Variants in FOXO3 observed in about 807,000 individuals in gnomAD.
The protein encoded by FOXO3 is forkhead box O3, also known as forkhead box protein O3.
Under a neutral mutation model 41.9 loss-of-function variants are expected in FOXO3, and 4 were observed. That is an observed-to-expected ratio of 0.10 (90% CI 0.05 to 0.22). The LOEUF (loss-of-function observed/expected upper bound fraction) is 0.22, where lower values mean the gene tolerates loss of function less well. Ranked by LOEUF, FOXO3 falls within the 10% of genes least tolerant of loss-of-function variation. The pLI is 1.00. For missense variants in FOXO3, 534 were observed against 906.8 expected, an observed-to-expected ratio of 0.59 and a Z score of 5.28; for synonymous variants, 318 against 389.3, an observed-to-expected ratio of 0.82 and a Z score of 2.16.
intron 2 of FOXO3, among the ~76,000 whole-genome samples, chr6:108,672,901 G>C (rs1459543211): frequency 6.6e-6 from 1 of 151,936 alleles, no homozygotes; most frequent in Non-Finnish European, 1.5e-5. Flanking sequence ...TGTTTGACTT[G>C]ATTCTTCAGG....
chr6:108,672,715 C>T (rs1330304039), intron 2 of FOXO3, among the ~76,000 whole-genome samples: 1 of 152,100 alleles, frequency 6.6e-6, no homozygotes, highest in Non-Finnish European at 1.5e-5. Flanking sequence ...TCTCCTCTCT[C>T]TCCCTCCCTC....
At chr6:108,562,722 A>G (rs1171816777) in intron 1 of FOXO3, among the ~76,000 whole-genome samples, 4 of 152,138 alleles carry the variant, frequency 2.6e-5, no homozygotes, top group Non-Finnish European at 5.9e-5. Context: ...GAGACTCTCT[A>G]CCGTTCCTTA....
At chr6:108,601,846 G>C (rs1228618300) in intron 1 of FOXO3, among the ~76,000 whole-genome samples, 1 of 152,144 alleles carries the variant, frequency 6.6e-6, no homozygotes, top group Non-Finnish European at 1.5e-5. Flanking sequence ...ACTCAGTAGT[G>C]TTCCACTGTA....
At chr6:108,605,232 C>T (rs1777163796) in intron 1 of FOXO3, among the ~76,000 whole-genome samples, 1 of 152,102 alleles carries the variant, frequency 6.6e-6, no homozygotes, top group Non-Finnish European at 1.5e-5. Flanking sequence ...AGTTTTTCTG[C>T]CTCAGCCTCC....
chr6:108,648,345 C>G (rs1217732744), intron 1 of FOXO3, among the ~76,000 whole-genome samples: 1 of 152,144 alleles, frequency 6.6e-6, no homozygotes, highest in Non-Finnish European at 1.5e-5. Flanking sequence ...TCACTTAGCT[C>G]TATTTCCCAC....
chr6:108,593,249 G>C (rs1168213595), intron 1 of FOXO3, among the ~76,000 whole-genome samples: 1 of 152,106 alleles, frequency 6.6e-6, no homozygotes, highest in Non-Finnish European at 1.5e-5. Flanking sequence ...AGATATTTTA[G>C]GTAGTACTAT....
chr6:108,587,064 G>T (rs1368236605), intron 1 of FOXO3, among the ~76,000 whole-genome samples: 1 of 150,966 alleles, frequency 6.6e-6, no homozygotes, highest in Non-Finnish European at 1.5e-5. Flanking sequence ...TCTCACCTTG[G>T]CCTCTCAAAG....
Position 108,664,095 on chromosome 6 carries a change from C to T in FOXO3, c.1262C>T (p.Ser421Leu), listed in dbSNP as rs200360650. 1.5e-5 allele frequency: 24 copies of T among 1,614,008 alleles called. No individual in the cohort carries two copies. Among genetic ancestry groups the T allele is most frequent in the South Asian group, 1.3e-4 (12 of 91,074 alleles). ...SSSFPYTTKG[S>L]GLGSPTSSFN... ...AGCTTCCCGTATACCACCAAGGGCTCGGGCCTGGGCTCCCCAACCAGCTCC... is the reference window on the plus strand; with the variant it reads ...AGCTTCCCGTATACCACCAAGGGCTTGGGCCTGGGCTCCCCAACCAGCTCC... The change falls in exon 2 of 3, where the codon TCG becomes TTG. Residue 421 changes from serine to leucine, a missense_variant. By Grantham distance (145) the Ser-to-Leu change is moderately radical (BLOSUM62 -2). Transcript: ENST00000406360.
At chr6:108,620,310 C>T (rs1395748354) in intron 1 of FOXO3, among the ~76,000 whole-genome samples, 1 of 152,174 alleles carries the variant, frequency 6.6e-6, no homozygotes, top group African/African-American at 2.4e-5. Context: ...TTTCCCTTAA[C>T]ACTTTAATAT....
At chr6:108,652,786 G>A (rs538879464) in intron 1 of FOXO3, among the ~76,000 whole-genome samples, 2 of 152,286 alleles carry the variant, frequency 1.3e-5, no homozygotes, top group South Asian at 4.1e-4. Flanking sequence ...TGTTACCTAG[G>A]TGCTTGTGTA....
At chr6:108,662,059 G>GT (rs1294427733) in intron 1 of FOXO3, among the ~76,000 whole-genome samples, 15 of 150,874 alleles carry the variant, frequency 9.9e-5, no homozygotes, top group South Asian at 4.2e-4. Context: ...TTCACTTAAT[G>GT]TTTTTTTTTG....
chr6:108,597,562 G>T (rs1043929702), intron 1 of FOXO3, among the ~76,000 whole-genome samples: 1 of 152,092 alleles, frequency 6.6e-6, no homozygotes, highest in South Asian at 2.1e-4. Flanking sequence ...GATTCTGTTG[G>T]CTAAATTTAA....
chr6:108,611,909 T>C (rs1177413920), intron 1 of FOXO3, among the ~76,000 whole-genome samples: 1 of 152,216 alleles, frequency 6.6e-6, no homozygotes, highest in Non-Finnish European at 1.5e-5. Flanking sequence ...ATAATTTTAA[T>C]ATTTTGTATG....
intron 1 of FOXO3, among the ~76,000 whole-genome samples, chr6:108,622,734 G>A (rs977650783): frequency 1.3e-5 from 2 of 151,916 alleles, no homozygotes; most frequent in African/African-American, 4.8e-5. Flanking sequence ...CAGTTTCCAC[G>A]GATCCCATGT....
intron 2 of FOXO3, among the ~76,000 whole-genome samples, chr6:108,678,747 A>G (rs1221701279): frequency 6.6e-6 from 1 of 151,902 alleles, no homozygotes; most frequent in Non-Finnish European, 1.5e-5. Flanking sequence ...TCAAATTCCT[A>G]AGCCAGGTGC....
At chr6:108,563,169 G>A (rs1011864490) in intron 1 of FOXO3, among the ~76,000 whole-genome samples, 1 of 152,166 alleles carries the variant, frequency 6.6e-6, no homozygotes, top group Non-Finnish European at 1.5e-5. Flanking sequence ...AGATGAAAAA[G>A]TTAAAGAACT....
At chr6:108,666,226 A>T (rs1779054339) in intron 2 of FOXO3, among the ~76,000 whole-genome samples, 1 of 152,170 alleles carries the variant, frequency 6.6e-6, no homozygotes, top group Admixed American at 6.5e-5. Flanking sequence ...GTAGGCTGAA[A>T]TATGTACCAT....
intron 1 of FOXO3, among the ~76,000 whole-genome samples, chr6:108,645,645 A>G (rs1189155028): frequency 1.3e-5 from 2 of 152,170 alleles, no homozygotes; most frequent in Non-Finnish European, 2.9e-5. Flanking sequence ...ACATTAGAAG[A>G]TGATAGAACC....
At chr6:108,653,166 C>G (rs1025214764) in intron 1 of FOXO3, among the ~76,000 whole-genome samples, 11 of 152,180 alleles carry the variant, frequency 7.2e-5, no homozygotes, top group African/African-American at 2.7e-4. Flanking sequence ...TCCATCTTCA[C>G]TCATGTAGGA....
Sources: gnomAD v4.1 joint callset for allele counts (sites outside exome capture counted in the v4.1 genomes callset) on GRCh38, gnomAD v4.1.1 for gene constraint, MANE v1.5 for transcripts, NCBI Gene and HGNC (gene_info 2026-07-23, HGNC 2026-07-21) for gene names.